Variants in UBAC2 observed in about 807,000 individuals in gnomAD.
The protein encoded by UBAC2 is ubiquitin-associated domain-containing protein 2.
Under a neutral mutation model 44.0 loss-of-function variants are expected in UBAC2, and 26 were observed. The ratio of observed to expected loss-of-function variants is 0.59; its 90% confidence interval spans 0.43 to 0.82. The LOEUF is 0.82. UBAC2 is among the 40% of genes least tolerant of loss of function. The probability of loss-of-function intolerance (pLI) is 0.00; values close to 1 mark genes in which losing one functional copy is unlikely to be tolerated. For missense variants in UBAC2, 329 were observed against 419.4 expected (o/e 0.78, Z 1.88); for synonymous variants, 155 against 154.3 (o/e 1.00, Z -0.04).
At chr13:99,257,372 T>C (rs1207822084) in intron 4 of UBAC2, among the ~76,000 whole-genome samples, 1 of 152,202 alleles carries the variant, frequency 6.6e-6, no homozygotes, top group Non-Finnish European at 1.5e-5. Flanking sequence ...AAATGAAATT[T>C]TGTATTTGTT....
intron 4 of UBAC2, among the ~76,000 whole-genome samples, chr13:99,279,646 CTG>C (rs2138681737): frequency 6.6e-6 from 1 of 152,346 alleles, no homozygotes; most frequent in African/African-American, 2.4e-5. Flanking sequence ...ATGCCCTAGA[CTG>C]TGTGACTTAT....
rs1335522831 is a variant in UBAC2 at position 99,243,231 on chromosome 13, CTCT to C, written c.160-599_160-597del. Among the ~76,000 whole-genome samples the C allele has an allele frequency of 1.0e-3, 132 of 128,376 alleles. 1 individual carries two copies. The highest frequency in any genetic ancestry group is 5.0e-3 in the Admixed American group (65 of 12,920). The allele number at this position is 128,376 out of a possible 152,430, so 84.2% of individuals were successfully genotyped here. On this transcript the variant is annotated intron_variant, in intron 2 of 8. Transcript: ENST00000403766. ...GACTCAAAAATAGGCCTTTGAGTAG[CTCT>C]TTTTTTTTTTTTTTTTTTTTTGTAT... is the stretch of plus-strand genomic sequence containing the variant.
chr13:99,330,134 G>A (rs1360388369), intron 6 of UBAC2, among the ~76,000 whole-genome samples: 4 of 152,080 alleles, frequency 2.6e-5, no homozygotes, highest in Non-Finnish European at 5.9e-5. Context: ...TTTTATAAAT[G>A]TTTTCCCAAT....
Position 99,385,299 on chromosome 13 carries a change from C to T in UBAC2, c.999C>T (p.Asp333=). 1 of 1,614,130 alleles carries T rather than the reference C, an allele frequency of 6.2e-7. No homozygotes were observed. Among genetic ancestry groups the T allele is most frequent in the South Asian group, 1.1e-5 (1 of 91,082 alleles). Residue 333 remains aspartate, a synonymous_variant, in exon 9 of 9, where the codon GAC becomes GAT. Coordinates refer to ENST00000403766, the MANE Select transcript of UBAC2 (RefSeq NM_001144072.2). ...ALEALRASNN[D]LNVATNFLLQ... ...AAGCCCTGAGAGCTTCAAACAATGA[C>T]CTCAATGTCGCCACCAACTTCCTGC...
chr13:99,332,234 G>A (rs2044725945), intron 6 of UBAC2, among the ~76,000 whole-genome samples: 1 of 152,230 alleles, frequency 6.6e-6, no homozygotes, highest in East Asian at 1.9e-4. Flanking sequence ...TCTAACCTTT[G>A]CCTGTTGTGG....
intron 1 of UBAC2, among the ~76,000 whole-genome samples, chr13:99,227,048 A>G (rs1246673742): frequency 2.0e-5 from 3 of 152,054 alleles, no homozygotes; most frequent in African/African-American, 7.2e-5. Flanking sequence ...AAAATACAAA[A>G]TTAGCCAGTT....
chr13:99,220,001 A>T (rs1158906486), intron 1 of UBAC2, among the ~76,000 whole-genome samples: 1 of 152,146 alleles, frequency 6.6e-6, no homozygotes, highest in African/African-American at 2.4e-5. Context: ...TGATAATGCT[A>T]CTATGAACAT....
At chr13:99,376,745 C>A (rs116749830) in intron 8 of UBAC2, among the ~76,000 whole-genome samples, 1 of 152,176 alleles carries the variant, frequency 6.6e-6, no homozygotes, top group Non-Finnish European at 1.5e-5. Flanking sequence ...GATTTGGGGG[C>A]TAGAAACCAA....
At chr13:99,279,805 C>G (rs905250289) in intron 4 of UBAC2, among the ~76,000 whole-genome samples, 1 of 152,176 alleles carries the variant, frequency 6.6e-6, no homozygotes, top group African/African-American at 2.4e-5. Context: ...TTTATAAGGG[C>G]ACTAATCCTA....
At chr13:99,312,087 G>A (rs961135988) in intron 4 of UBAC2, among the ~76,000 whole-genome samples, 6 of 152,206 alleles carry the variant, frequency 3.9e-5, no homozygotes, top group African/African-American at 1.4e-4. Flanking sequence ...CAGTTGATGC[G>A]GCTGCCATTT....
Position 99,296,559 on chromosome 13 carries a change from A to C in UBAC2, c.390-17538A>C, listed in dbSNP as rs1466889268. On this transcript the variant is annotated intron_variant, in intron 4 of 8. Transcript: ENST00000403766. ...AAAGCACCCCACATTTCAGACAGGC[A>C]TTAAGCTTTGCTTTTAAATTTAATT... 4.6e-5 allele frequency among the ~76,000 whole-genome samples: 7 copies of C among 152,224 alleles called. No individual in the cohort carries two copies. The East Asian group carries it at 1.3e-3, about 29-fold the overall frequency.
intron 7 of UBAC2, among the ~76,000 whole-genome samples, chr13:99,354,479 G>C (rs1014679935): frequency 6.6e-6 from 1 of 152,176 alleles, no homozygotes; most frequent in Non-Finnish European, 1.5e-5. Context: ...TTCACTTGGC[G>C]GCTTGGCTGA....
intron 1 of UBAC2, among the ~76,000 whole-genome samples, chr13:99,228,228 T>TATA (rs2043132956): frequency 6.6e-6 from 1 of 151,986 alleles, no homozygotes; most frequent in African/African-American, 2.4e-5. Flanking sequence ...TTGCCTTTAA[T>TATA]GGGGGAAGCC....
intron 7 of UBAC2, among the ~76,000 whole-genome samples, chr13:99,353,788 A>C (rs2045133458): frequency 6.6e-6 from 1 of 152,222 alleles, no homozygotes; most frequent in Non-Finnish European, 1.5e-5. Context: ...AATGAGGAAC[A>C]GACCACTGGA....
At chr13:99,201,675 A>C in intron 1 of UBAC2, 1 of 1,227,572 alleles carries the variant, frequency 8.1e-7, no homozygotes, top group South Asian at 1.4e-5. Context: ...GCACGGGTAC[A>C]GCAACGGAGA....
intron 1 of UBAC2, 60 bp from the exon 2 acceptor site, chr13:99,238,367 A>G (rs1208020439): frequency 1.3e-6 from 2 of 1,566,028 alleles, no homozygotes; most frequent in South Asian, 1.2e-5. Flanking sequence ...CTTTTCACGC[A>G]TGTGGTTTTT....
intron 4 of UBAC2, among the ~76,000 whole-genome samples, chr13:99,284,658 G>GA (rs1235794204): frequency 6.6e-6 from 1 of 152,140 alleles, no homozygotes; most frequent in African/African-American, 2.4e-5. Context: ...TGGCAAAAAG[G>GA]AAAATCAAAA....
intron 1 of UBAC2, chr13:99,201,251 G>C (rs922236476): frequency 2.1e-6 from 3 of 1,431,388 alleles, no homozygotes; most frequent in Non-Finnish European, 2.7e-6. Context: ...CTCGTGGGCC[G>C]GCCCCAGGCC....
intron 4 of UBAC2, among the ~76,000 whole-genome samples, chr13:99,257,770 A>C (rs968588260): frequency 1.3e-5 from 2 of 152,244 alleles, no homozygotes; most frequent in African/African-American, 4.8e-5. Context: ...ACATTCCTAA[A>C]TATACATATG....
Sources: gnomAD v4.1 joint callset for allele counts (sites outside exome capture counted in the v4.1 genomes callset) on GRCh38, gnomAD v4.1.1 for gene constraint, MANE v1.5 for transcripts, NCBI Gene and HGNC (gene_info 2026-07-23, HGNC 2026-07-21) for gene names.